EYS: variants seen among roughly 807,000 people sequenced by gnomAD.
The protein encoded by EYS is EGF-like photoreceptor maintenance factor.
Under a neutral mutation model 282.1 loss-of-function variants are expected in EYS, and 250 were observed. The observed-to-expected ratio is 0.89, with a 90% CI of 0.80 to 0.98. The LOEUF is 0.98. Ranked by LOEUF, EYS falls within the 50% of genes least tolerant of loss-of-function variation. The probability of loss-of-function intolerance (pLI) is 0.00; values close to 1 mark genes in which losing one functional copy is unlikely to be tolerated. For missense variants in EYS, 4,016 were observed against 3,709.0 expected, an observed-to-expected ratio of 1.08 and a Z score of -2.15; for synonymous variants, 1,355 against 1,282.9, an observed-to-expected ratio of 1.06 and a Z score of -1.20.
chr6:64,117,183 TAACA>T (rs1354204274), intron 31 of EYS, among the ~76,000 whole-genome samples: 2 of 152,146 alleles, frequency 1.3e-5, no homozygotes, highest in African/African-American at 4.8e-5. Context: ...AAAAAAGTCT[TAACA>T]AACTTAAGAA....
intron 12 of EYS, among the ~76,000 whole-genome samples, chr6:65,177,030 C>G (rs888124555): frequency 2.0e-5 from 3 of 151,580 alleles, no homozygotes; most frequent in African/African-American, 7.3e-5. Flanking sequence ...CAAATCATTA[C>G]TTATTTTAAA....
intron 12 of EYS, among the ~76,000 whole-genome samples, chr6:65,143,086 G>T (rs1287249134): frequency 6.6e-6 from 1 of 151,914 alleles, no homozygotes; most frequent in Non-Finnish European, 1.5e-5. Flanking sequence ...ATATATAAAT[G>T]CTCATGATAA....
chr6:64,610,511 C>T (rs542669126), intron 24 of EYS, among the ~76,000 whole-genome samples: 2 of 149,834 alleles, frequency 1.3e-5, no homozygotes, highest in Non-Finnish European at 2.9e-5. Flanking sequence ...TCAAGCGATC[C>T]TTGTGCATTG....
chr6:63,877,046 G>A (rs930703494), intron 35 of EYS, among the ~76,000 whole-genome samples: 8 of 152,184 alleles, frequency 5.3e-5, no homozygotes, highest in Admixed American at 1.3e-4. Context: ...GTTAGTTGAT[G>A]CAGTTTCTTC....
chr6:65,547,944 T>C (rs1047863871), intron 2 of EYS, among the ~76,000 whole-genome samples: 1 of 152,216 alleles, frequency 6.6e-6, no homozygotes, highest in African/African-American at 2.4e-5. Flanking sequence ...CAAGGCTAGA[T>C]AGACTCTCCA....
intron 19 of EYS, among the ~76,000 whole-genome samples, chr6:64,884,972 C>A (rs1767043385): frequency 1.3e-5 from 2 of 151,568 alleles, no homozygotes; most frequent in African/African-American, 4.8e-5. Context: ...ACAGTTAGCA[C>A]CACTCTTTTC....
chr6:63,984,096 A>T (rs1215854881), intron 35 of EYS, among the ~76,000 whole-genome samples: 1 of 151,802 alleles, frequency 6.6e-6, no homozygotes, highest in African/African-American at 2.4e-5. Flanking sequence ...AGAAGCTGGA[A>T]CACCTAGATA....
At chr6:65,579,115 T>G (rs1764782125) in intron 2 of EYS, among the ~76,000 whole-genome samples, 2 of 152,184 alleles carry the variant, frequency 1.3e-5, no homozygotes, top group Non-Finnish European at 2.9e-5. Flanking sequence ...CTTTGACTAA[T>G]GAGAAACTTT....
intron 35 of EYS, among the ~76,000 whole-genome samples, chr6:63,951,297 CA>C (rs1248397222): frequency 6.6e-6 from 1 of 151,990 alleles, no homozygotes; most frequent in Non-Finnish European, 1.5e-5. Context: ...TCCAAATATC[CA>C]AAAAACGTCA....
intron 7 of EYS, among the ~76,000 whole-genome samples, chr6:65,396,881 G>A (rs1766297921): frequency 6.6e-6 from 1 of 151,598 alleles, no homozygotes. Context: ...TTTAACATCT[G>A]CCATCCTATC....
At chr6:64,087,584 G>C (rs976826155) in intron 31 of EYS, among the ~76,000 whole-genome samples, 6 of 152,020 alleles carry the variant, frequency 3.9e-5, no homozygotes, top group Non-Finnish European at 7.4e-5. Context: ...TCCCCCTATG[G>C]CATGTCCAAC....
intron 34 of EYS, among the ~76,000 whole-genome samples, chr6:63,990,267 A>T (rs185599029): frequency 6.6e-6 from 1 of 151,858 alleles, no homozygotes; most frequent in Admixed American, 6.6e-5. Flanking sequence ...AGAAGCAACA[A>T]AAATACATGG....
intron 29 of EYS, among the ~76,000 whole-genome samples, chr6:64,362,849 AT>A (rs1168342804): frequency 2.6e-5 from 4 of 151,952 alleles, no homozygotes; most frequent in Non-Finnish European, 5.9e-5. Flanking sequence ...CATCAGTTTT[AT>A]CCAGAGCTTC....
At position 64,755,497 on chromosome 6, in the gene EYS, T is replaced by TAC. The variant is rs56705165; in HGVS notation, c.3443+57879_3443+57880dup. Among the ~76,000 whole-genome samples the TAC allele has an allele frequency of 9.4e-3, 1,301 of 138,976 alleles. 12 individuals are homozygous for TAC. The highest frequency in any genetic ancestry group is 0.055 in the East Asian group (263 of 4,822). The allele number at this position is 138,976 out of a possible 152,430, so 91.2% of individuals were successfully genotyped here. A position where few individuals can be genotyped will look rare whatever the true frequency, so the allele number is the denominator to read the frequency against. On this transcript the variant is annotated intron_variant, in intron 22 of 42. Coordinates refer to ENST00000503581, the MANE Select transcript of EYS (RefSeq NM_001142800.2). ...AAATAAGAAATCTTGAGAACATACA[T>TAC]ACACACACACACACACACACACACA...
At chr6:65,634,482 G>A (rs1433896778) in intron 2 of EYS, among the ~76,000 whole-genome samples, 4 of 152,048 alleles carry the variant, frequency 2.6e-5, no homozygotes, top group Admixed American at 6.6e-5. Context: ...CTCCCTTAGC[G>A]ATCTTATATA....
chr6:65,254,293 G>A lies in EYS; in HGVS notation c.2023+41570C>T, dbSNP rs116285948. 7.2e-3 allele frequency among the ~76,000 whole-genome samples: 1,085 copies of A among 151,700 alleles called. 14 individuals are homozygous for A. Among genetic ancestry groups the A allele is most frequent in the African/African-American group, 0.024 (1,007 of 41,446 alleles). ...TGATTTAATGATGAGATATTTTGGG[G>A]GATAAAACAGGTATGGTTAAACACA... On this transcript the variant is annotated intron_variant, in intron 12 of 42. Transcript: ENST00000503581.
intron 31 of EYS, among the ~76,000 whole-genome samples, chr6:64,188,667 C>T (rs553006773): frequency 5.3e-5 from 8 of 152,170 alleles, no homozygotes; most frequent in Non-Finnish European, 1.2e-4. Flanking sequence ...CCCTATCCTG[C>T]GAACTCTTAA....
chr6:64,103,292 A>C (rs1772896359), intron 31 of EYS, among the ~76,000 whole-genome samples: 2 of 152,212 alleles, frequency 1.3e-5, no homozygotes. Context: ...GCCAGAAGAC[A>C]TTATGAGATA....
intron 2 of EYS, among the ~76,000 whole-genome samples, chr6:65,510,604 GT>G (rs1766832311): frequency 6.6e-6 from 1 of 151,950 alleles, no homozygotes; most frequent in South Asian, 2.1e-4. Flanking sequence ...ATCTCTTCCA[GT>G]TTTTTTGATG....
Sources: gnomAD v4.1 joint callset for allele counts (sites outside exome capture counted in the v4.1 genomes callset) on GRCh38, gnomAD v4.1.1 for gene constraint, MANE v1.5 for transcripts, NCBI Gene and HGNC (gene_info 2026-07-23, HGNC 2026-07-21) for gene names.